Variants in CEP128 observed in about 807,000 individuals in gnomAD.
The protein encoded by CEP128 is centrosomal protein 128.
Under a neutral mutation model 156.7 loss-of-function variants are expected in CEP128, and 132 were observed. That is an observed-to-expected ratio of 0.84 (90% confidence interval 0.73 to 0.97). CEP128 has a LOEUF of 0.97. Among genes scored for constraint, CEP128 ranks in the 50% least tolerant of loss-of-function variants. The probability of loss-of-function intolerance (pLI) is 0.00; values close to 1 mark genes in which losing one functional copy is unlikely to be tolerated. For missense variants in CEP128, 1,252 were observed against 1,281.9 expected, an observed-to-expected ratio of 0.98 and a Z score of 0.36; for synonymous variants, 469 against 448.9, an observed-to-expected ratio of 1.04 and a Z score of -0.57.
At chr14:80,524,666 A>G (rs956695189) in intron 23 of CEP128, among the ~76,000 whole-genome samples, 1 of 152,206 alleles carries the variant, frequency 6.6e-6, no homozygotes, top group Non-Finnish European at 1.5e-5. Flanking sequence ...ACTACCAAAA[A>G]TGTTATATTC....
intron 14 of CEP128, among the ~76,000 whole-genome samples, chr14:80,482,977 A>T (rs1485775007): frequency 3.3e-5 from 5 of 152,242 alleles, no homozygotes; most frequent in Non-Finnish European, 7.3e-5. Flanking sequence ...CCAAACCACA[A>T]TCGGCTTGTA....
intron 19 of CEP128, among the ~76,000 whole-genome samples, chr14:80,634,696 C>T (rs1051970560): frequency 7.2e-5 from 11 of 151,968 alleles, no homozygotes; most frequent in Admixed American, 2.6e-4. Flanking sequence ...TGTGTTTTGC[C>T]CCCACTTTTC....
At chr14:80,781,455 CAAAAAA>C (rs67179008) in intron 15 of CEP128, among the ~76,000 whole-genome samples, 1 of 90,518 alleles carries the variant, frequency 1.1e-5, no homozygotes, top group Admixed American at 1.3e-4. Context: ...GACTCCGTCT[CAAAAAA>C]AAAAAAAAAA....
Position 80,622,842 on chromosome 14 carries a change from C to G in CEP128, c.2807-42419G>C, listed in dbSNP as rs1355676540. ...TGGAGAGGATGTGGAGAAATAGGAA[C>G]ACTTTTACACTGTTGGTGGGACTGT... is the stretch of plus-strand genomic sequence containing the variant. On this transcript the variant is annotated intron_variant, in intron 19 of 24. Transcript: ENST00000555265. Among the ~76,000 whole-genome samples, 8 of 148,358 alleles carry G rather than the reference C, an allele frequency of 5.4e-5. 1 individual carries two copies. Among genetic ancestry groups the G allele is most frequent in the South Asian group, 4.3e-4 (2 of 4,644 alleles).
chr14:80,479,165 C>T lies in CEP128; in HGVS notation c.*311-758G>A, dbSNP rs117034419. The stretch of plus-strand genomic sequence containing the variant: ...ATGTTAAGTAAATTACCCCAAATCG[C>T]ACAATTAGTAAGTTGTGCAAGAGGT... On this transcript the variant is annotated intron_variant and NMD_transcript_variant, in intron 14 of 14. Transcript: ENST00000554502. Among the ~76,000 whole-genome samples, 595 of 152,232 alleles carry T rather than the reference C, an allele frequency of 3.9e-3. 1 individual carries two copies. Among genetic ancestry groups the T allele is most frequent in the Non-Finnish European group, 6.9e-3 (466 of 68,004 alleles).
chr14:80,581,435 A>G (rs1189456123), intron 19 of CEP128, among the ~76,000 whole-genome samples: 6 of 152,228 alleles, frequency 3.9e-5, no homozygotes, highest in Admixed American at 3.9e-4. Context: ...ACAGTCATAT[A>G]GTAGAGTGAC....
At chr14:80,810,674 C>T (rs138498849) in intron 13 of CEP128, among the ~76,000 whole-genome samples, 223 of 152,226 alleles carry the variant, frequency 1.5e-3, no homozygotes, top group Non-Finnish European at 2.7e-3. Context: ...TGATAATTGC[C>T]ACCTCTTCAG....
At chr14:80,906,482 G>A (rs138826689) in intron 4 of CEP128, among the ~76,000 whole-genome samples, 137 of 152,210 alleles carry the variant, frequency 9.0e-4, no homozygotes, top group African/African-American at 3.0e-3. Context: ...GAAACTCCAG[G>A]TCTACAACAA....
At chr14:80,901,464 A>G (rs949840629) in intron 6 of CEP128, among the ~76,000 whole-genome samples, 1 of 152,218 alleles carries the variant, frequency 6.6e-6, no homozygotes, top group African/African-American at 2.4e-5. Context: ...CTGATATGAG[A>G]GCCAGATATG....
downstream of CEP128, among the ~76,000 whole-genome samples, chr14:80,493,230 T>C (rs1270851365): frequency 6.6e-6 from 1 of 152,192 alleles, no homozygotes; most frequent in Non-Finnish European, 1.5e-5. Context: ...GTCCAGAGAA[T>C]GGCAATTGGC....
rs1885758903 is a variant in CEP128 at position 80,830,996 on chromosome 14, G to A, written c.1209+147C>T. The A allele has an allele frequency of 1.9e-5, 13 of 693,406 alleles. No individual in the cohort carries two copies. The South Asian group carries it at 2.5e-4, about 13-fold the overall frequency. The allele number at this position is 693,406 out of a possible 1,614,324, so 43.0% of individuals were successfully genotyped here. On this transcript the variant is annotated intron_variant, in intron 13 of 24. Transcript: ENST00000555265. The stretch of plus-strand genomic sequence containing the variant: ...AACCCATAGGAATTTCTACATATAA[G>A]TAAATCAGTCATTAATATAACTTTA...
At chr14:80,910,766 G>A (rs1244161778) in intron 4 of CEP128, among the ~76,000 whole-genome samples, 1 of 152,096 alleles carries the variant, frequency 6.6e-6, no homozygotes, top group Non-Finnish European at 1.5e-5. Flanking sequence ...GCTCCCTCTA[G>A]CCAAAGATAA....
At chr14:80,938,243 G>GTAT (rs1555365223) in intron 2 of CEP128, among the ~76,000 whole-genome samples, 1 of 91,456 alleles carries the variant, frequency 1.1e-5, no homozygotes, top group Non-Finnish European at 2.3e-5. Flanking sequence ...CACAGTGTTA[G>GTAT]TATTTTTTTT....
chr14:80,560,460 A>G (rs1890622358), intron 20 of CEP128, among the ~76,000 whole-genome samples: 1 of 152,172 alleles, frequency 6.6e-6, no homozygotes. Context: ...ACTAGAGGAA[A>G]TATGTGGAAT....
chr14:80,482,642 G>A (rs564302974), intron 14 of CEP128, among the ~76,000 whole-genome samples: 1 of 152,304 alleles, frequency 6.6e-6, no homozygotes, highest in African/African-American at 2.4e-5. Context: ...CACTGCTTCA[G>A]CAACACTGCA....
intron 19 of CEP128, among the ~76,000 whole-genome samples, chr14:80,588,806 T>C (rs1331232027): frequency 2.6e-5 from 4 of 152,064 alleles, no homozygotes; most frequent in African/African-American, 9.7e-5. Context: ...CAGTGAGCTT[T>C]TAAAAAAAGC....
intron 23 of CEP128, among the ~76,000 whole-genome samples, chr14:80,513,544 A>G (rs186343447): frequency 6.6e-6 from 1 of 152,146 alleles, no homozygotes; most frequent in East Asian, 1.9e-4. Context: ...TATTTCTTTG[A>G]AAGACTTTCT....
intron 9 of CEP128, among the ~76,000 whole-genome samples, chr14:80,856,720 CTTTT>C (rs766724436): frequency 5.2e-3 from 338 of 65,122 alleles, no homozygotes; most frequent in Non-Finnish European, 6.0e-3. Flanking sequence ...TTTTTCTTTT[CTTTT>C]TTTTTTTTTT....
intron 20 of CEP128, among the ~76,000 whole-genome samples, chr14:80,572,749 A>G (rs1311819071): frequency 6.6e-6 from 1 of 152,182 alleles, no homozygotes; most frequent in Non-Finnish European, 1.5e-5. Context: ...ATAAGCCCCA[A>G]TGCCCATGGA....
Sources: allele counts gnomAD v4.1 joint callset (sites outside exome capture counted in the v4.1 genomes callset), GRCh38; gene constraint gnomAD v4.1.1; transcripts MANE v1.5; gene names NCBI Gene and HGNC (gene_info 2026-07-23, HGNC 2026-07-21).